Variants in PDE4D observed in about 807,000 individuals in gnomAD.
The protein encoded by PDE4D is 3',5'-cyclic-AMP phosphodiesterase 4D.
A neutral mutation model predicts 87.4 loss-of-function variants in PDE4D; 24 were observed. That is an observed-to-expected ratio of 0.27 (90% CI 0.20 to 0.39). The LOEUF is 0.39. Among genes scored for constraint, PDE4D ranks in the 10% least tolerant of loss-of-function variants. The pLI is 1.00. For synonymous variants in PDE4D, 384 were observed against 383.2 expected, an observed-to-expected ratio of 1.00 and a Z score of -0.02; for missense variants, 714 against 1,041.0, an observed-to-expected ratio of 0.69 and a Z score of 4.32.
At chr5:59,311,491 C>A (rs1471172689) in intron 1 of PDE4D, among the ~76,000 whole-genome samples, 1 of 98,772 alleles carries the variant, frequency 1.0e-5, no homozygotes, top group Non-Finnish European at 1.8e-5. Context: ...CAGAGAGAGA[C>A]TCTGTCTCAA....
chr5:60,341,260 A>G (rs1202943625), intron 1 of PDE4D, among the ~76,000 whole-genome samples: 1 of 152,214 alleles, frequency 6.6e-6, no homozygotes, highest in African/African-American at 2.4e-5. Context: ...AAAGTAGTCA[A>G]GTGGCCTACC....
chr5:60,118,364 C>A (rs1317505330), intron 2 of PDE4D, among the ~76,000 whole-genome samples: 2 of 152,114 alleles, frequency 1.3e-5, no homozygotes, highest in African/African-American at 2.4e-5. Flanking sequence ...CTACTTCACA[C>A]TTGAGGGTTT....
intron 1 of PDE4D, among the ~76,000 whole-genome samples, chr5:59,365,391 G>A (rs1008809030): frequency 4.6e-5 from 7 of 152,094 alleles, no homozygotes; most frequent in Non-Finnish European, 8.8e-5. Context: ...CCTGGGAATC[G>A]AGGCTGCAGT....
At chr5:59,678,997 ATCTT>A (rs1461802185) in intron 1 of PDE4D, among the ~76,000 whole-genome samples, 4 of 152,174 alleles carry the variant, frequency 2.6e-5, no homozygotes, top group South Asian at 4.1e-4. Context: ...AGCATTACCA[ATCTT>A]TCTATTTCTA....
chr5:60,169,772 T>G (rs1346983986), intron 2 of PDE4D, among the ~76,000 whole-genome samples: 1 of 152,090 alleles, frequency 6.6e-6, no homozygotes, highest in African/African-American at 2.4e-5. Context: ...CACTTTTCCC[T>G]CTGTTCCCTT....
chr5:60,341,233 G>C (rs1359269129), intron 1 of PDE4D, among the ~76,000 whole-genome samples: 1 of 152,160 alleles, frequency 6.6e-6, no homozygotes, highest in Non-Finnish European at 1.5e-5. Context: ...TGCATTACAG[G>C]AGAGTCAACT....
Position 59,113,954 on chromosome 5 carries a change from A to G in PDE4D, c.808+66641T>C, listed in dbSNP as rs1407075560. Among the ~76,000 whole-genome samples, 3 of 152,266 alleles carry G rather than the reference A, an allele frequency of 2.0e-5. No homozygotes were observed. The East Asian group carries it at 5.8e-4, about 29-fold the overall frequency. On this transcript the variant is annotated intron_variant, in intron 5 of 14. Coordinates refer to ENST00000340635, the MANE Select transcript of PDE4D (RefSeq NM_001104631.2). ...GCCACTGTTACTGCTACTACCATACACTAGAAAATTCTCTCCTCCCTTTCC... is the reference window on the plus strand; with the variant it reads ...GCCACTGTTACTGCTACTACCATACGCTAGAAAATTCTCTCCTCCCTTTCC...
chr5:60,371,939 T>C (rs1761062539), intron 1 of PDE4D, among the ~76,000 whole-genome samples: 1 of 152,236 alleles, frequency 6.6e-6, no homozygotes, highest in African/African-American at 2.4e-5. Flanking sequence ...ACTATATGCA[T>C]ATGTCTTTCA....
chr5:59,266,761 A>G (rs1169224071), intron 1 of PDE4D, among the ~76,000 whole-genome samples: 2 of 152,098 alleles, frequency 1.3e-5, no homozygotes, highest in Non-Finnish European at 2.9e-5. Flanking sequence ...AAGGAAAAGT[A>G]TAAGTAGCAG....
chr5:59,041,328 A>C (rs1430530912), intron 5 of PDE4D, among the ~76,000 whole-genome samples: 1 of 152,224 alleles, frequency 6.6e-6, no homozygotes, highest in Non-Finnish European at 1.5e-5. Context: ...AAAGATCACA[A>C]ACAATACTTT....
intron 3 of PDE4D, among the ~76,000 whole-genome samples, chr5:59,911,943 A>G (rs1167403076): frequency 6.6e-6 from 1 of 152,232 alleles, no homozygotes; most frequent in Non-Finnish European, 1.5e-5. Context: ...TATAAATTAT[A>G]ATGATTTTAA....
At chr5:58,996,451 G>C (rs529808321) in intron 6 of PDE4D, among the ~76,000 whole-genome samples, 1 of 152,198 alleles carries the variant, frequency 6.6e-6, no homozygotes, top group South Asian at 2.1e-4. Flanking sequence ...TTGCTATTAA[G>C]AACTACCTGG....
chr5:60,064,331 G>C (rs1356846655), intron 2 of PDE4D, among the ~76,000 whole-genome samples: 1 of 152,010 alleles, frequency 6.6e-6, no homozygotes, highest in Non-Finnish European at 1.5e-5. Context: ...AGGAAAATGA[G>C]AACAAAGAAT....
At chr5:59,102,909 C>T (rs982265019) in intron 5 of PDE4D, among the ~76,000 whole-genome samples, 5 of 152,076 alleles carry the variant, frequency 3.3e-5, no homozygotes, top group African/African-American at 4.8e-5. Context: ...ACTTAACAGC[C>T]GAATGTTAAG....
intron 1 of PDE4D, among the ~76,000 whole-genome samples, chr5:59,225,167 G>T (rs531178413): frequency 5.3e-4 from 80 of 152,232 alleles, no homozygotes; most frequent in Non-Finnish European, 9.3e-4. Flanking sequence ...GTCTTGAGTG[G>T]ATTTTTTGTG....
intron 1 of PDE4D, among the ~76,000 whole-genome samples, chr5:60,261,424 G>A (rs1278366592): frequency 2.6e-5 from 4 of 152,064 alleles, no homozygotes; most frequent in African/African-American, 9.7e-5. Flanking sequence ...CTAAAAGGAA[G>A]TACTTCTGAG....
chr5:60,287,612 A>G (rs1183547660), intron 1 of PDE4D, among the ~76,000 whole-genome samples: 1 of 152,168 alleles, frequency 6.6e-6, no homozygotes, highest in African/African-American at 2.4e-5. Context: ...GCCTATTCAC[A>G]TTTCTGAATG....
chr5:60,237,611 A>G (rs1268255898), intron 1 of PDE4D, among the ~76,000 whole-genome samples: 3 of 152,018 alleles, frequency 2.0e-5, no homozygotes, highest in Non-Finnish European at 4.4e-5. Flanking sequence ...CAGGGATTAG[A>G]TATGGTGGCA....
At chr5:59,930,947 A>G (rs1239171005) in intron 3 of PDE4D, among the ~76,000 whole-genome samples, 2 of 152,238 alleles carry the variant, frequency 1.3e-5, no homozygotes, top group African/African-American at 4.8e-5. Flanking sequence ...CTAGAAAAAA[A>G]TATTCAGGAT....
Sources: gnomAD v4.1 joint callset for allele counts (sites outside exome capture counted in the v4.1 genomes callset) on GRCh38, gnomAD v4.1.1 for gene constraint, MANE v1.5 for transcripts, NCBI Gene and HGNC (gene_info 2026-07-23, HGNC 2026-07-21) for gene names.